Variants in SLC9A4 observed in about 807,000 individuals in gnomAD.
SLC9A4 encodes the protein solute carrier family 9 member A4.
Under a neutral mutation model 67.4 loss-of-function variants are expected in SLC9A4, and 63 were observed. That is an observed-to-expected ratio of 0.93 (90% confidence interval 0.76 to 1.15). The LOEUF (loss-of-function observed/expected upper bound fraction) is 1.15. SLC9A4 is among the 50% of genes most tolerant of loss of function. SLC9A4 has a pLI of 0.00. For synonymous variants in SLC9A4, 393 were observed against 367.2 expected, an observed-to-expected ratio of 1.07 and a Z score of -0.80; for missense variants, 1,089 against 987.7, an observed-to-expected ratio of 1.10 and a Z score of -1.38.
At chr2:102,521,820 C>G (rs1331731904) in intron 9 of SLC9A4, among the ~76,000 whole-genome samples, 2 of 152,170 alleles carry the variant, frequency 1.3e-5, no homozygotes, top group Non-Finnish European at 2.9e-5. Context: ...TCATTGTTCA[C>G]ATCTTGAAAG....
intron 2 of SLC9A4, among the ~76,000 whole-genome samples, chr2:102,502,609 A>C (rs1053287133): frequency 1.3e-5 from 2 of 152,230 alleles, no homozygotes; most frequent in Non-Finnish European, 2.9e-5. Context: ...TGGACTGGCC[A>C]CTGGGTAGCA....
At chr2:102,504,256 G>A (rs926063524) in intron 3 of SLC9A4, among the ~76,000 whole-genome samples, 2 of 152,122 alleles carry the variant, frequency 1.3e-5, no homozygotes, top group African/African-American at 4.8e-5. Flanking sequence ...GTTTCACCAT[G>A]TTAGCCAAGA....
At position 102,514,241 on chromosome 2, in the gene SLC9A4, A is replaced by G. The variant is rs1237013494; in HGVS notation, c.1711A>G (p.Ile571Val). ...TGILSSTAFS[I>V]PHQAQRIQGI... ...GATACTGAGCTCTACAGCTTTCTCC[A>G]TACCCCATCAGTGAGTCATATCTGT... Residue 571 changes from isoleucine (I) to valine (V), a missense_variant, in exon 8 of 12, where the codon ATA (isoleucine) becomes GTA (valine). Physicochemically the swap from Ile to Val is conservative, Grantham distance 29. Transcript: ENST00000295269. 4 of 1,610,112 alleles carry G rather than the reference A, an allele frequency of 2.5e-6. No individual in the cohort carries two copies. The highest frequency in any genetic ancestry group is 2.7e-5 in the African/African-American group (2 of 74,750).
rs1332838483 is a variant in SLC9A4, at chr2:102,492,326, G to T, written c.721-11122G>T. Among the ~76,000 whole-genome samples the T allele has an allele frequency of 2.0e-5, 3 of 152,244 alleles. No homozygotes were observed. In the South Asian group the frequency reaches 6.2e-4, roughly 31 times the overall value. Reference sequence around the variant, plus strand: ...ATTTTCCTTCTGCACTGTCCTAGCTGAAGTTCTCCATAAGGGCCCTGCCCC... The same window carrying T: ...ATTTTCCTTCTGCACTGTCCTAGCTTAAGTTCTCCATAAGGGCCCTGCCCC... On this transcript the variant is annotated intron_variant, in intron 2 of 11. Transcript: ENST00000295269.
At position 102,494,521 on chromosome 2, in the gene SLC9A4, G is replaced by A. The variant is rs190593621; in HGVS notation, c.721-8927G>A. Among the ~76,000 whole-genome samples, 15 of 152,094 alleles carry A rather than the reference G, an allele frequency of 9.9e-5. No homozygotes were observed. In the East Asian group the frequency reaches 2.7e-3, roughly 27 times the overall value. On this transcript the variant is annotated intron_variant, in intron 2 of 11. Coordinates refer to ENST00000295269, the MANE Select transcript of SLC9A4 (RefSeq NM_001011552.4). ...TACATTAACTGTTAATGGACTAAAC[G>A]CTCCAATTAAAAGTCAGAGATTAAC...
At chr2:102,498,249 C>T (rs116661986) in intron 2 of SLC9A4, among the ~76,000 whole-genome samples, 98 of 152,286 alleles carry the variant, frequency 6.4e-4, no homozygotes, top group Middle Eastern at 3.4e-3. Flanking sequence ...AACTGTTTTT[C>T]GTGCAGTAGT....
intron 2 of SLC9A4, among the ~76,000 whole-genome samples, chr2:102,484,036 G>A (rs7566613): frequency 0.11 from 16,333 of 151,536 alleles, 1,157 homozygotes; most frequent in African/African-American, 0.2. Flanking sequence ...TAAATCTCAT[G>A]GCCAAAATCA....
chr2:102,531,060 T>TCC (rs1397675524), intron 11 of SLC9A4, among the ~76,000 whole-genome samples: 1 of 86,254 alleles, frequency 1.2e-5, no homozygotes, highest in African/African-American at 5.3e-5. Flanking sequence ...AATACCTAAA[T>TCC]TCTTTTTTTT....
intron 2 of SLC9A4, among the ~76,000 whole-genome samples, 183 bp downstream of exon 2, chr2:102,479,485 C>T (rs565818608): frequency 2.2e-4 from 34 of 152,284 alleles, no homozygotes; most frequent in Admixed American, 9.8e-4. Flanking sequence ...GCCTACATAA[C>T]GGTTCACTCA....
At chr2:102,476,557 C>G (rs954806865) in intron 1 of SLC9A4, among the ~76,000 whole-genome samples, 3 of 152,186 alleles carry the variant, frequency 2.0e-5, no homozygotes, top group African/African-American at 7.2e-5. Context: ...TTCCTGGAAG[C>G]AGGGCCAAAC....
Position 102,533,557 on chromosome 2 carries a change from T to A in SLC9A4, c.*869T>A, listed in dbSNP as rs1204135672. Reference sequence around the variant, plus strand: ...GTGCACATTGTGCAGGTTAGTTACATATGTATACATGTGCCATGCTGGTGT... The same window carrying A: ...GTGCACATTGTGCAGGTTAGTTACAAATGTATACATGTGCCATGCTGGTGT... On this transcript the variant is annotated 3_prime_UTR_variant, in exon 12 of 12. Transcript: ENST00000295269. 6.6e-6 allele frequency: 1 copy of A among 151,808 alleles called. No homozygotes were observed. Among genetic ancestry groups the A allele is most frequent in the Non-Finnish European group, 1.5e-5 (1 of 67,954 alleles). The allele number at this position is 151,808 out of a possible 1,614,324, so 9.4% of individuals were successfully genotyped here.
At chr2:102,499,967 T>C (rs1172023833) in intron 2 of SLC9A4, among the ~76,000 whole-genome samples, 1 of 152,218 alleles carries the variant, frequency 6.6e-6, no homozygotes. Context: ...CACAAGTTAA[T>C]TTCACAGTAT....
At chr2:102,522,044 C>A (rs1314340397) in intron 9 of SLC9A4, among the ~76,000 whole-genome samples, 1 of 152,180 alleles carries the variant, frequency 6.6e-6, no homozygotes, top group Non-Finnish European at 1.5e-5. Flanking sequence ...AAGGGACTCA[C>A]CTCTGGAGGT....
chr2:102,486,433 T>C (rs1406707004), intron 2 of SLC9A4, among the ~76,000 whole-genome samples: 2 of 152,240 alleles, frequency 1.3e-5, no homozygotes, highest in African/African-American at 4.8e-5. Context: ...TTCGTGTCTG[T>C]CTATCTGAAC....
chr2:102,504,921 G>A (rs1038187081), intron 3 of SLC9A4, among the ~76,000 whole-genome samples: 9 of 131,434 alleles, frequency 6.8e-5, no homozygotes, highest in African/African-American at 2.7e-4. Context: ...GAGTAACGCA[G>A]AGAGTGTGAG....
chr2:102,492,539 A>G (rs935640586), intron 2 of SLC9A4, among the ~76,000 whole-genome samples: 1 of 152,232 alleles, frequency 6.6e-6, no homozygotes, highest in Non-Finnish European at 1.5e-5. Context: ...CCTTTTAGCC[A>G]CAGCTGGAGC....
rs770973156 is a variant in SLC9A4, at chr2:102,514,084, T to C, written c.1560-6T>C. ...AGATTTCCAAAATGTTGGTTTTCAT[T>C]TTTAGGTTTAAGAAGTTTGATCATA... is the stretch of plus-strand genomic sequence containing the variant. On this transcript the variant is annotated splice_region_variant and splice_polypyrimidine_tract_variant and intron_variant, in intron 7 of 11. Transcript: ENST00000295269. The C allele has an allele frequency of 6.2e-7, 1 of 1,609,234 alleles. No homozygotes were observed. Among genetic ancestry groups the C allele is most frequent in the African/African-American group, 1.3e-5 (1 of 74,444 alleles).
chr2:102,533,955 C>T lies in SLC9A4; in HGVS notation c.*1267C>T, dbSNP rs951885796. 9.9e-5 allele frequency: 15 copies of T among 151,600 alleles called. No individual in the cohort carries two copies. The highest frequency in any genetic ancestry group is 1.5e-4 in the Non-Finnish European group (10 of 67,906). 9.4% of individuals were successfully genotyped at this position (151,600 alleles called of 1,614,324 possible). The stretch of plus-strand genomic sequence containing the variant: ...TGTGAATAATGCCGCAATAAACATA[C>T]GTGTGCATGTGTCTTTATAGCAGCA... On this transcript the variant is annotated 3_prime_UTR_variant, in exon 12 of 12. Transcript: ENST00000295269.
At chr2:102,500,958 C>CT (rs11443914) in intron 2 of SLC9A4, among the ~76,000 whole-genome samples, 106,240 of 141,356 alleles carry the variant, frequency 0.75, 40,547 homozygotes, top group African/African-American at 0.88. Context: ...AAGCAACAAT[C>CT]TTTTTTTTTT....
Sources: allele counts gnomAD v4.1 joint callset (sites outside exome capture counted in the v4.1 genomes callset), GRCh38; gene constraint gnomAD v4.1.1; transcripts MANE v1.5; gene names NCBI Gene and HGNC (gene_info 2026-07-23, HGNC 2026-07-21).